Variants in PCDHGA10 observed in about 807,000 individuals in gnomAD.
PCDHGA10 encodes protocadherin gamma-A10.
A neutral mutation model predicts 59.5 loss-of-function variants in PCDHGA10; 42 were observed. The ratio of observed to expected loss-of-function variants is 0.71; its 90% CI spans 0.55 to 0.91. PCDHGA10 has a LOEUF of 0.91. PCDHGA10 is among the 40% of genes least tolerant of loss of function. The pLI is 0.00. For synonymous variants in PCDHGA10, 511 were observed against 517.2 expected (o/e 0.99, Z 0.16); for missense variants, 1,111 against 1,198.2 (o/e 0.93, Z 1.07).
intron 1 of PCDHGA10, among the ~76,000 whole-genome samples, chr5:141,435,715 A>T (rs528951395): frequency 5.9e-5 from 9 of 152,210 alleles, no homozygotes; most frequent in Non-Finnish European, 1.0e-4. Context: ...ACAGACACTG[A>T]ATGCTAAAGT....
intron 1 of PCDHGA10, chr5:141,422,516 G>A (rs575294611): frequency 1.2e-6 from 2 of 1,614,014 alleles, no homozygotes; most frequent in African/African-American, 1.3e-5. Context: ...GACCAGGGAA[G>A]CCCGCCTTTG....
chr5:141,490,906 G>C lies in PCDHGA10; in HGVS notation c.2437-3901G>C. On this transcript the variant is annotated intron_variant, in intron 1 of 3. Transcript: ENST00000398610. The surrounding 1 kb of genome is among the most constrained non-coding windows in gnomAD (Gnocchi z 5.4). ...CACATCTCTGCATGTGTTTGTCCTA[G>C]ACGAGAATGATAATGCCCCAGCTGT... The C allele has an allele frequency of 1.9e-6, 3 of 1,613,798 alleles. No individual in the cohort carries two copies. The highest frequency in any genetic ancestry group is 2.5e-6 in the Non-Finnish European group (3 of 1,179,808).
chr5:141,413,180 C>T lies in PCDHGA10; in HGVS notation c.5C>T (p.Ala2Val). Residue 2 changes from alanine to valine, a missense_variant, in exon 1 of 4, where the codon GCC becomes GTC. Transcript: ENST00000398610. M[A>V]AQRNRSKESK... Reference sequence around the variant, plus strand: ...GAATTCTGTAACCAGACTACAATGGCCGCTCAAAGGAATCGCTCAAAGGAA... The same window carrying T: ...GAATTCTGTAACCAGACTACAATGGTCGCTCAAAGGAATCGCTCAAAGGAA... The T allele has an allele frequency of 6.2e-7, 1 of 1,602,612 alleles. No individual in the cohort carries two copies. The highest frequency in any genetic ancestry group is 8.5e-7 in the Non-Finnish European group (1 of 1,173,444).
In PCDHGA10 at chr5:141,431,932, C is replaced by A; in HGVS notation, c.2436+16321C>A. 1 of 1,614,172 alleles carries A rather than the reference C, an allele frequency of 6.2e-7. No homozygotes were observed. Among genetic ancestry groups the A allele is most frequent in the Non-Finnish European group, 8.5e-7 (1 of 1,180,002 alleles). The stretch of plus-strand genomic sequence containing the variant: ...TCTGTTTCATCCAAGGAAATCTGCC[C>A]TTTAAATTAGAAAAATCTTACGGAA... On this transcript the variant is annotated intron_variant, in intron 1 of 3. Transcript: ENST00000398610. The surrounding 1 kb of genome is among the most constrained non-coding windows in gnomAD (Gnocchi z 4.8).
At chr5:141,435,214 A>G (rs1314928643) in intron 1 of PCDHGA10, among the ~76,000 whole-genome samples, 2 of 152,176 alleles carry the variant, frequency 1.3e-5, no homozygotes, top group South Asian at 2.1e-4. Context: ...AAGTGAATTT[A>G]CTTTCTTTCA....
chr5:141,427,287 A>G (rs1030754713), intron 1 of PCDHGA10: 2 of 456,716 alleles, frequency 4.4e-6, no homozygotes, highest in African/African-American at 4.0e-5. Flanking sequence ...TATACTAGAA[A>G]TCCTAGATGA....
At position 141,477,019 on chromosome 5, in the gene PCDHGA10, C is replaced by T. The variant is rs148675327; in HGVS notation, c.2437-17788C>T. 1.9e-5 allele frequency: 30 copies of T among 1,614,242 alleles called. No individual in the cohort carries two copies. Among genetic ancestry groups the T allele is most frequent in the Non-Finnish European group, 2.5e-5 (30 of 1,180,048 alleles). On this transcript the variant is annotated intron_variant, in intron 1 of 3. Transcript: ENST00000398610. This position sits in a 1 kb window ranked among gnomAD's most constrained non-coding sequence, Gnocchi z 4.9. ...AACTATTCGCCTTAGACCTTGTAAC[C>T]GGGATGCTGACAATCAAGGGTCGGC...
Position 141,485,094 on chromosome 5 carries a change from C to A in PCDHGA10, c.2437-9713C>A. ...GGCGCGGGGAAAGGGAGATAGGTGT[C>A]TCCAGCTGCTGTGGCTGTTTGGGGC... On this transcript the variant is annotated intron_variant, in intron 1 of 3. Coordinates refer to ENST00000398610, the MANE Select transcript of PCDHGA10 (RefSeq NM_018913.3). The surrounding 1 kb of genome is among the most constrained non-coding windows in gnomAD (Gnocchi z 5.7). 9.1e-7 allele frequency: 1 copy of A among 1,100,766 alleles called. No individual in the cohort carries two copies. Among genetic ancestry groups the A allele is most frequent in the Non-Finnish European group, 1.4e-6 (1 of 736,922 alleles). The allele number at this position is 1,100,766 out of a possible 1,614,324, so 68.2% of individuals were successfully genotyped here. A position where few individuals can be genotyped will look rare whatever the true frequency, so the allele number is the denominator to read the frequency against.
At chr5:141,441,859 G>T in intron 1 of PCDHGA10, 1 of 348,078 alleles carries the variant, frequency 2.9e-6, no homozygotes. Context: ...GGTGCTGCAC[G>T]CCGCGGAGCC....
At chr5:141,448,999 GT>G (rs910018882) in intron 1 of PCDHGA10, among the ~76,000 whole-genome samples, 2 of 151,816 alleles carry the variant, frequency 1.3e-5, no homozygotes, top group African/African-American at 4.8e-5. Context: ...ATAGAAAGCT[GT>G]TTTTTTTAAC....
Position 141,477,365 on chromosome 5 carries a change from C to T in PCDHGA10, c.2437-17442C>T, listed in dbSNP as rs754438240. On this transcript the variant is annotated intron_variant, in intron 1 of 3. Transcript: ENST00000398610. The surrounding 1 kb of genome is among the most constrained non-coding windows in gnomAD (Gnocchi z 4.9). ...TTTGAAAACCAGTGCAGACCTGGAT[C>T]GGGAGACTGTGCCAGAATACAACCT... The T allele has an allele frequency of 6.2e-7, 1 of 1,614,156 alleles. No homozygotes were observed. The highest frequency in any genetic ancestry group is 1.7e-5 in the Admixed American group (1 of 60,022).
In PCDHGA10 at chr5:141,414,936, G is replaced by T; in HGVS notation, c.1761G>T (p.Glu587Asp). ...TGVELAPRSA[E>D]PGYLVTKVVA... ...TGGAGCTGGCGCCCCGCTCCGCAGA[G>T]CCCGGCTACCTGGTGACCAAGGTGG... is the stretch of plus-strand genomic sequence containing the variant. Residue 587 changes from glutamate to aspartate, a missense_variant, in exon 1 of 4, where the codon GAG becomes GAT. By Grantham distance (45) the Glu-to-Asp change is conservative. Transcript: ENST00000398610. 1 of 1,614,118 alleles carries T rather than the reference G, an allele frequency of 6.2e-7. No homozygotes were observed. Among genetic ancestry groups the T allele is most frequent in the South Asian group, 1.1e-5 (1 of 91,080 alleles).
chr5:141,494,428 G>A (rs1476469017), intron 1 of PCDHGA10, among the ~76,000 whole-genome samples: 1 of 152,148 alleles, frequency 6.6e-6, no homozygotes, highest in African/African-American at 2.4e-5. Flanking sequence ...TCATTGAAAA[G>A]CCTCCTTTGC....
chr5:141,421,782 C>A, intron 1 of PCDHGA10: 1 of 1,613,878 alleles, frequency 6.2e-7, no homozygotes, highest in Non-Finnish European at 8.5e-7. Context: ...AACTGCGGGG[C>A]AGAACGGATG....
At position 141,505,394 on chromosome 5, in the gene PCDHGA10, T is replaced by C; in HGVS notation, c.2497T>C (p.Ser833Pro). 6.2e-7 allele frequency: 1 copy of C among 1,614,110 alleles called. No homozygotes were observed. The highest frequency in any genetic ancestry group is 8.5e-7 in the Non-Finnish European group (1 of 1,180,002). The part of the protein sequence containing the change: ...SQAQRPGTSG[S>P]QNGDDTGTWP... ...CTCACCATCCTACTCTCTCCCCAGC[T>C]CCCAAAATGGCGATGACACCGGCAC... Residue 833 changes from serine (S) to proline (P), a missense_variant and splice_region_variant, in exon 3 of 4, where the codon TCC becomes CCC. By Grantham distance (74) the Ser-to-Pro change is moderately conservative. Coordinates refer to ENST00000398610, the MANE Select transcript of PCDHGA10 (RefSeq NM_018913.3).
rs1410419839 is a variant in PCDHGA10 at position 141,429,391 on chromosome 5, A to ATTTT, written c.2436+13780_2436+13781insTTTT. Among the ~76,000 whole-genome samples, 380 of 151,312 alleles carry ATTTT rather than the reference A, an allele frequency of 2.5e-3. 1 individual carries two copies. The highest frequency in any genetic ancestry group is 4.2e-3 in the South Asian group (20 of 4,768). On this transcript the variant is annotated intron_variant, in intron 1 of 3. Coordinates refer to ENST00000398610, the MANE Select transcript of PCDHGA10 (RefSeq NM_018913.3). The stretch of plus-strand genomic sequence containing the variant: ...GGAGAAAATGTGTTTTTTTTTTAAA[A>ATTTT]AAAATTGAGATTAAGGTCTCATTAT...
chr5:141,427,114 A>G (rs767478190), intron 1 of PCDHGA10: 1 of 457,522 alleles, frequency 2.2e-6, no homozygotes, highest in Non-Finnish European at 4.4e-6. Flanking sequence ...GAGATCACCT[A>G]CTCTTTCAAA....
chr5:141,421,102 T>G, intron 1 of PCDHGA10: 1 of 691,404 alleles, frequency 1.4e-6, no homozygotes, highest in Non-Finnish European at 2.4e-6. Flanking sequence ...CACTGGAGAC[T>G]TAGAAGTATT....
chr5:141,446,482 CT>C (rs112180482), intron 1 of PCDHGA10, among the ~76,000 whole-genome samples: 30,290 of 146,632 alleles, frequency 0.21, 3,322 homozygotes, highest in African/African-American at 0.31. Flanking sequence ...GGTCATCATT[CT>C]TTTTTTTTTT....
Sources: gnomAD v4.1 joint callset for allele counts (sites outside exome capture counted in the v4.1 genomes callset) on GRCh38, gnomAD v4.1.1 for gene constraint, Gnocchi (gnomAD v3.1) non-coding constraint, MANE v1.5 for transcripts, NCBI Gene and HGNC (gene_info 2026-07-23, HGNC 2026-07-21) for gene names.